DNAH5: variants seen among roughly 807,000 people sequenced by gnomAD.
The protein encoded by DNAH5 is axonemal beta dynein heavy chain 5.
DNAH5 carries 372 observed loss-of-function variants against 518.2 expected under a neutral mutation model. The observed-to-expected ratio is 0.72, with a 90% CI of 0.66 to 0.78. The LOEUF is 0.78. DNAH5 is among the 30% of genes least tolerant of loss of function. The pLI is 0.00. For synonymous variants in DNAH5, 2,039 were observed against 2,025.9 expected, an observed-to-expected ratio of 1.01 and a Z score of -0.17; for missense variants, 5,523 against 5,687.0, an observed-to-expected ratio of 0.97 and a Z score of 0.93.
At chr5:14,007,985 C>G (rs1370173726) in intron 1 of DNAH5, among the ~76,000 whole-genome samples, 1 of 151,556 alleles carries the variant, frequency 6.6e-6, no homozygotes, top group Non-Finnish European at 1.5e-5. Context: ...CCAGCCTGGC[C>G]AACAGGGCAA....
intron 12 of DNAH5, among the ~76,000 whole-genome samples, chr5:13,903,837 C>G (rs1384362757): frequency 1.3e-5 from 2 of 151,978 alleles, no homozygotes; most frequent in Non-Finnish European, 2.9e-5. Context: ...TTAACAGACT[C>G]TTGTTAAAAT....
At chr5:13,752,988 C>T (rs938218672) in intron 63 of DNAH5, among the ~76,000 whole-genome samples, 4 of 152,170 alleles carry the variant, frequency 2.6e-5, no homozygotes, top group African/African-American at 9.7e-5. Flanking sequence ...AAAGAGAGCC[C>T]TGGACCCTGA....
intron 61 of DNAH5, among the ~76,000 whole-genome samples, chr5:13,755,389 G>A (rs1750861296): frequency 6.6e-6 from 1 of 152,082 alleles, no homozygotes; most frequent in Non-Finnish European, 1.5e-5. Context: ...CAAGAAAGCA[G>A]ATCACAATAT....
At position 13,931,241 on chromosome 5, in the gene DNAH5, T is replaced by G; in HGVS notation, c.61A>C (p.Arg21=). 1 of 1,614,098 alleles carries G rather than the reference T, an allele frequency of 6.2e-7. No individual in the cohort carries two copies. Residue 21 remains arginine, a synonymous_variant, in exon 2 of 79, where the codon AGA becomes CGA. Coordinates refer to ENST00000265104, the MANE Select transcript of DNAH5 (RefSeq NM_001369.3). ...TTGGCTTCCTTCTCTCCCTTCAGTC[T>G]TTGCTAAAAGAAAAGAATAAAAATG... is the stretch of plus-strand genomic sequence containing the variant. ...KHSVTRVLTQ[R]LKGEKEAKRA...
Position 13,737,486 on chromosome 5 carries a change from T to C in DNAH5, c.11221A>G (p.Lys3741Glu). 3 of 1,613,900 alleles carry C rather than the reference T, an allele frequency of 1.9e-6. No individual in the cohort carries two copies. The highest frequency in any genetic ancestry group is 2.5e-6 in the Non-Finnish European group (3 of 1,179,860). ...TCTTCCATCAGATGAGTTCTTTCTT[T>C]CTCCAATTCCTATTAATTTGCATAA... ...VILTEKQELE[K>E]ERTHLMEDVT... The change falls in exon 66 of 79, where the codon AAA becomes GAA. Residue 3741 changes from lysine (K) to glutamate (E), a missense_variant. By Grantham distance (56) the Lys-to-Glu change is moderately conservative (BLOSUM62 1). Coordinates refer to ENST00000265104, the MANE Select transcript of DNAH5 (RefSeq NM_001369.3).
At chr5:13,833,663 C>T (rs1300413799) in intron 35 of DNAH5, among the ~76,000 whole-genome samples, 1 of 152,028 alleles carries the variant, frequency 6.6e-6, no homozygotes, top group East Asian at 1.9e-4. Context: ...AGCACTCAGG[C>T]AACACTCACA....
At chr5:13,743,385 A>T (rs1748878250) in intron 65 of DNAH5, among the ~76,000 whole-genome samples, 1 of 152,060 alleles carries the variant, frequency 6.6e-6, no homozygotes, top group Non-Finnish European at 1.5e-5. Flanking sequence ...AGAAGAAAAC[A>T]TAAAGGAAAT....
intron 31 of DNAH5, among the ~76,000 whole-genome samples, chr5:13,845,734 TTC>T (rs1343605251): frequency 6.6e-6 from 1 of 150,950 alleles, no homozygotes; most frequent in Non-Finnish European, 1.5e-5. Context: ...TTAATTGTAC[TTC>T]TTTTTTAAAC....
chr5:13,950,992 A>T (rs1212548036), intron 1 of DNAH5, among the ~76,000 whole-genome samples: 2 of 152,156 alleles, frequency 1.3e-5, no homozygotes, highest in Non-Finnish European at 2.9e-5. Flanking sequence ...AACCACAATT[A>T]ATTAGAGAGA....
intron 49 of DNAH5, 142 bp from the exon 50 acceptor site, chr5:13,792,359 G>A (rs964659764): frequency 2.4e-5 from 16 of 676,600 alleles, no homozygotes; most frequent in Non-Finnish European, 3.3e-5. Flanking sequence ...GTATGTTAAT[G>A]TTCTCTTGTT....
intron 78 of DNAH5, among the ~76,000 whole-genome samples, chr5:13,695,271 C>T (rs370545386): frequency 4.7e-4 from 71 of 152,282 alleles, no homozygotes; most frequent in African/African-American, 1.0e-3. Flanking sequence ...AGTCCTCTAC[C>T]GGTGAACAGG....
Position 13,901,337 on chromosome 5 carries a change from G to T in DNAH5, c.1967C>A (p.Ala656Asp), listed in dbSNP as rs147911274. 1 of 1,614,168 alleles carries T rather than the reference G, an allele frequency of 6.2e-7. No individual in the cohort carries two copies. The highest frequency in any genetic ancestry group is 1.3e-5 in the African/African-American group (1 of 75,054). The change falls in exon 14 of 79, where the codon GCC becomes GAC. Residue 656 changes from alanine (A) to aspartate (D), a missense_variant. Around this residue, in one of 3 missense-constraint regions of DNAH5, gnomAD observed 5,121 missense variants for 5,223.3 expected, o/e 0.98. Transcript: ENST00000265104. ...GTTGTAACTGCGAATTATAGGTTTG[G>T]CTTCTGCCGTGCTTAGCACAGCTGG... Reference protein sequence around the residue: ...QHPAVLSTAEAKPIIRSYNRM... With the variant: ...QHPAVLSTAEDKPIIRSYNRM...
chr5:13,760,440 G>A (rs1477031556), intron 60 of DNAH5, among the ~76,000 whole-genome samples: 1 of 151,984 alleles, frequency 6.6e-6, no homozygotes, highest in Non-Finnish European at 1.5e-5. Flanking sequence ...TCTAGTCCCC[G>A]GCACATAACA....
chr5:13,800,074 C>T (rs1371397063), intron 47 of DNAH5, among the ~76,000 whole-genome samples: 3 of 152,090 alleles, frequency 2.0e-5, no homozygotes, highest in Non-Finnish European at 4.4e-5. Flanking sequence ...CAGGAGGGTG[C>T]TGGGAGGGTC....
intron 46 of DNAH5, 46 bp downstream of exon 46, chr5:13,808,998 T>A (rs1203179208): frequency 2.5e-6 from 4 of 1,604,356 alleles, no homozygotes; most frequent in Non-Finnish European, 2.6e-6. Context: ...ATGCTTCATG[T>A]CTCCCCTTAA....
chr5:13,985,464 T>C (rs1581113550), intron 1 of DNAH5, among the ~76,000 whole-genome samples: 1 of 104,582 alleles, frequency 9.6e-6, no homozygotes. Context: ...TATATATATA[T>C]ATAAAGCAAA....
intron 1 of DNAH5, among the ~76,000 whole-genome samples, chr5:13,934,379 G>A (rs1332378626): frequency 6.6e-6 from 1 of 152,152 alleles, no homozygotes; most frequent in South Asian, 2.1e-4. Context: ...AATAAAGAGA[G>A]ATAACAGATG....
chr5:13,755,276 T>C (rs536513962), intron 61 of DNAH5, among the ~76,000 whole-genome samples: 39 of 152,262 alleles, frequency 2.6e-4, no homozygotes, highest in African/African-American at 8.7e-4. Flanking sequence ...TATATACACA[T>C]GCTAAATGTC....
chr5:13,969,416 A>G lies in DNAH5; in HGVS notation c.13-38172T>C, dbSNP rs1781736822. On this transcript the variant is annotated intron_variant, in intron 1 of 78. Coordinates refer to the DNAH5 transcript ENST00000681290. ...CTTGAGGTGTGATCTTAGATTATCT[A>G]TTTGTGCTCTCTCAGACCTTCTGCT... Among the ~76,000 whole-genome samples, 4 of 151,984 alleles carry G rather than the reference A, an allele frequency of 2.6e-5. No individual in the cohort carries two copies. The South Asian group carries it at 8.3e-4, about 32-fold the overall frequency.
Sources: allele counts gnomAD v4.1 joint callset (sites outside exome capture counted in the v4.1 genomes callset), GRCh38; gene constraint gnomAD v4.1.1; regional missense constraint gnomAD v4.1.1; transcripts MANE v1.5; gene names NCBI Gene and HGNC (gene_info 2026-07-23, HGNC 2026-07-21).